The following RIMS2 variants were observed in gnomAD, a reference collection of about 807,000 sequenced individuals.
The protein encoded by RIMS2 is regulating synaptic membrane exocytosis protein 2.
In RIMS2, 59 loss-of-function variants were observed where a neutral mutation model predicts 174.4. That is an observed-to-expected ratio of 0.34 (90% CI 0.27 to 0.42). RIMS2 has a LOEUF of 0.42. Among genes scored for constraint, RIMS2 ranks in the 10% least tolerant of loss-of-function variants. The pLI is 1.00. For synonymous variants in RIMS2, 606 were observed against 572.5 expected, an observed-to-expected ratio of 1.06 and a Z score of -0.84; for missense variants, 1,620 against 1,666.3, an observed-to-expected ratio of 0.97 and a Z score of 0.48.
intron 3 of RIMS2, among the ~76,000 whole-genome samples, chr8:103,805,697 A>G (rs1406059960): frequency 1.3e-5 from 2 of 151,632 alleles, no homozygotes; most frequent in South Asian, 2.1e-4. Context: ...TTTTCTTTTC[A>G]TTTCTTCTTT....
At chr8:103,886,019 A>G in exon 4 of RIMS2, 1 of 1,613,066 alleles carries the variant, frequency 6.2e-7, no homozygotes, top group Non-Finnish European at 8.5e-7. Context: ...ACGGGAAAAA[A>G]TGGAAACAAT....
intron 1 of RIMS2, among the ~76,000 whole-genome samples, chr8:103,623,524 GC>G (rs1208201063): frequency 8.9e-6 from 1 of 112,640 alleles, no homozygotes; most frequent in Non-Finnish European, 1.6e-5. Context: ...TCGCTCTGTC[GC>G]CCAGGCTGGA....
In RIMS2 at chr8:103,594,811, C is replaced by G. The variant is rs144616372; in HGVS notation, c.176+93749C>G. On this transcript the variant is annotated intron_variant, in intron 1 of 23. Transcript: ENST00000504942. Reference sequence around the variant, plus strand: ...TGGCTTCAAATCTTTAGATGTGTTTCTAAGTTGCCTAACCTTCATTTACAA... The same window carrying G: ...TGGCTTCAAATCTTTAGATGTGTTTGTAAGTTGCCTAACCTTCATTTACAA... 2.4e-4 allele frequency among the ~76,000 whole-genome samples: 36 copies of G among 151,868 alleles called. 1 individual carries two copies. In the East Asian group the frequency reaches 5.4e-3, roughly 23 times the overall value.
intron 1 of RIMS2, among the ~76,000 whole-genome samples, chr8:103,613,638 A>C (rs13257065): frequency 0.18 from 27,706 of 152,078 alleles, 2,768 homozygotes; most frequent in African/African-American, 0.26. Flanking sequence ...CACTATAGCC[A>C]CCGCAGCTGG....
chr8:103,568,500 T>A (rs1320632238), intron 1 of RIMS2: 1 of 288,722 alleles, frequency 3.5e-6, no homozygotes, highest in South Asian at 4.8e-5. Flanking sequence ...GAATTCTTAA[T>A]GTTGTTGGAA....
At chr8:104,223,563 A>C in intron 19 of RIMS2, 1 of 1,447,972 alleles carries the variant, frequency 6.9e-7, no homozygotes, top group Non-Finnish European at 9.1e-7. Context: ...CTTCTGGCCC[A>C]CTGGTCCCGG....
At chr8:104,084,599 G>T (rs2097502633) in intron 19 of RIMS2, among the ~76,000 whole-genome samples, 1 of 151,762 alleles carries the variant, frequency 6.6e-6, no homozygotes, top group East Asian at 1.9e-4. Flanking sequence ...GTGCAATTAA[G>T]AACCTATTTA....
At chr8:103,627,725 A>G (rs1300932130) in intron 1 of RIMS2, among the ~76,000 whole-genome samples, 2 of 152,230 alleles carry the variant, frequency 1.3e-5, no homozygotes, top group Non-Finnish European at 2.9e-5. Flanking sequence ...AAAAAGAGGG[A>G]TCAGTTTTAC....
At chr8:104,060,275 A>G (rs1300442278) in intron 19 of RIMS2, among the ~76,000 whole-genome samples, 1 of 150,452 alleles carries the variant, frequency 6.6e-6, no homozygotes, top group Non-Finnish European at 1.5e-5. Flanking sequence ...TCAGAGATTC[A>G]ACTTCTTCCT....
At chr8:103,836,532 C>G (rs2098893225) in intron 3 of RIMS2, among the ~76,000 whole-genome samples, 1 of 152,156 alleles carries the variant, frequency 6.6e-6, no homozygotes, top group South Asian at 2.1e-4. Flanking sequence ...CACCACTGCA[C>G]TTTAGCTTGA....
At chr8:104,142,290 G>T (rs764922862) in intron 19 of RIMS2, among the ~76,000 whole-genome samples, 2 of 151,938 alleles carry the variant, frequency 1.3e-5, no homozygotes, top group Admixed American at 1.3e-4. Flanking sequence ...ACCACACCCA[G>T]CTAATTTTTG....
At chr8:103,839,944 C>T (rs1271848605) in intron 3 of RIMS2, among the ~76,000 whole-genome samples, 1 of 152,156 alleles carries the variant, frequency 6.6e-6, no homozygotes, top group South Asian at 2.1e-4. Flanking sequence ...GACTGTGTTT[C>T]TTATGCTCCA....
intron 19 of RIMS2, among the ~76,000 whole-genome samples, chr8:104,176,940 T>C (rs1028593141): frequency 7.2e-5 from 11 of 152,138 alleles, no homozygotes; most frequent in African/African-American, 2.2e-4. Flanking sequence ...ATTTGACATA[T>C]GTAAGAAAGT....
intron 1 of RIMS2, among the ~76,000 whole-genome samples, chr8:103,563,895 T>A (rs1333262937): frequency 6.6e-6 from 1 of 152,166 alleles, no homozygotes; most frequent in Non-Finnish European, 1.5e-5. Flanking sequence ...GGAAACTCTC[T>A]TATAAAACCA....
chr8:103,508,297 C>T (rs1824662099), intron 1 of RIMS2, among the ~76,000 whole-genome samples: 1 of 151,904 alleles, frequency 6.6e-6, no homozygotes, highest in Admixed American at 6.6e-5. Context: ...TACAGTGTAT[C>T]ATGGATATAT....
At chr8:104,127,475 G>A (rs1375127564) in intron 19 of RIMS2, among the ~76,000 whole-genome samples, 2 of 152,134 alleles carry the variant, frequency 1.3e-5, no homozygotes, top group East Asian at 1.9e-4. Context: ...TGAATGAATA[G>A]CATGTGTTGT....
chr8:103,940,982 C>T (rs1245473643), intron 13 of RIMS2, among the ~76,000 whole-genome samples: 1 of 151,962 alleles, frequency 6.6e-6, no homozygotes, highest in Non-Finnish European at 1.5e-5. Flanking sequence ...GTTTATATTC[C>T]TGGCACTACC....
chr8:103,765,984 G>T (rs1231571127), intron 2 of RIMS2, among the ~76,000 whole-genome samples: 1 of 151,456 alleles, frequency 6.6e-6, no homozygotes, highest in Non-Finnish European at 1.5e-5. Context: ...TGAACAATCA[G>T]CAATTTAGGA....
intron 19 of RIMS2, among the ~76,000 whole-genome samples, chr8:104,026,191 G>T (rs2096253587): frequency 6.6e-6 from 1 of 152,122 alleles, no homozygotes; most frequent in Admixed American, 6.5e-5. Context: ...TGCAGTATAA[G>T]TTATTTCATA....
Sources: allele counts gnomAD v4.1 joint callset (sites outside exome capture counted in the v4.1 genomes callset), GRCh38; gene constraint gnomAD v4.1.1; transcripts MANE v1.5; gene names NCBI Gene and HGNC (gene_info 2026-07-23, HGNC 2026-07-21).